MTREX: variants seen among roughly 807,000 people sequenced by gnomAD.
The protein encoded by MTREX is exosome RNA helicase MTR4.
MTREX carries 76 observed loss-of-function variants against 135.4 expected under a neutral mutation model. That is an observed-to-expected ratio of 0.56 (90% CI 0.47 to 0.68). The LOEUF (loss-of-function observed/expected upper bound fraction) is 0.68. Among genes scored for constraint, MTREX ranks in the 30% least tolerant of loss-of-function variants. MTREX has a pLI of 0.00. For missense variants in MTREX, 920 were observed against 1,262.1 expected, an observed-to-expected ratio of 0.73 and a Z score of 4.11; for synonymous variants, 404 against 401.6, an observed-to-expected ratio of 1.01 and a Z score of -0.07.
chr5:55,332,948 G>T (rs998725754), intron 5 of MTREX, among the ~76,000 whole-genome samples: 1 of 151,552 alleles, frequency 6.6e-6, no homozygotes, highest in Non-Finnish European at 1.5e-5. Flanking sequence ...TCCTAATTCC[G>T]TCATCTGTCT....
intron 14 of MTREX, among the ~76,000 whole-genome samples, chr5:55,354,176 A>G (rs970875355): frequency 6.6e-6 from 1 of 152,122 alleles, no homozygotes; most frequent in Non-Finnish European, 1.5e-5. Context: ...GACAATCCAG[A>G]CTCGTTTCTC....
At chr5:55,415,686 T>C (rs1281203863) in intron 24 of MTREX, among the ~76,000 whole-genome samples, 1 of 152,242 alleles carries the variant, frequency 6.6e-6, no homozygotes, top group African/African-American at 2.4e-5. Context: ...TGAATAATTT[T>C]AATGAAGAGT....
intron 19 of MTREX, among the ~76,000 whole-genome samples, chr5:55,394,777 A>C (rs1750622212): frequency 6.6e-6 from 1 of 152,146 alleles, no homozygotes; most frequent in South Asian, 2.1e-4. Context: ...TCACACCTGT[A>C]ATCCCAGCAT....
At chr5:55,362,391 C>T (rs1341080079) in intron 15 of MTREX, among the ~76,000 whole-genome samples, 4 of 151,432 alleles carry the variant, frequency 2.6e-5, no homozygotes, top group Admixed American at 1.3e-4. Context: ...GACAGTTTCT[C>T]GCTCTGTCAC....
At chr5:55,353,698 G>A (rs1240826192) in intron 14 of MTREX, among the ~76,000 whole-genome samples, 1 of 152,040 alleles carries the variant, frequency 6.6e-6, no homozygotes, top group Non-Finnish European at 1.5e-5. Flanking sequence ...GTGAGACCCT[G>A]TCTCTGAATA....
At chr5:55,392,879 G>GACA (rs771774769) in intron 19 of MTREX, among the ~76,000 whole-genome samples, 8 of 152,198 alleles carry the variant, frequency 5.3e-5, no homozygotes, top group Non-Finnish European at 8.8e-5. Flanking sequence ...AGGCAGCCAT[G>GACA]GTGTTAAGCA....
At chr5:55,411,655 A>T (rs1367569605) in intron 23 of MTREX, among the ~76,000 whole-genome samples, 1 of 152,194 alleles carries the variant, frequency 6.6e-6, no homozygotes, top group Non-Finnish European at 1.5e-5. Flanking sequence ...AGTGGCAATG[A>T]TAACAAATAG....
intron 18 of MTREX, 100 bp downstream of exon 18, chr5:55,379,295 G>C (rs1750355909): frequency 1.5e-6 from 1 of 665,598 alleles, no homozygotes; most frequent in African/African-American, 1.8e-5. Flanking sequence ...ATTACCTGAA[G>C]AGAAGCAGTA....
chr5:55,315,936 A>G (rs764372939), intron 1 of MTREX, among the ~76,000 whole-genome samples: 2 of 152,106 alleles, frequency 1.3e-5, no homozygotes, highest in Non-Finnish European at 2.9e-5. Flanking sequence ...AAACACAGTT[A>G]GAAGTTACAA....
At chr5:55,327,266 C>T (rs547313881) in intron 3 of MTREX, among the ~76,000 whole-genome samples, 10 of 152,252 alleles carry the variant, frequency 6.6e-5, no homozygotes, top group Admixed American at 1.3e-4. Context: ...CTTGAGGAAT[C>T]GCCACACTGC....
At chr5:55,326,473 C>T (rs1749380345) in intron 3 of MTREX, among the ~76,000 whole-genome samples, 1 of 152,096 alleles carries the variant, frequency 6.6e-6, no homozygotes, top group Admixed American at 6.6e-5. Flanking sequence ...TTCTGTGCTC[C>T]ATGATTATCT....
In MTREX at chr5:55,394,965, G is replaced by A. The variant is rs560624085; in HGVS notation, c.2182-2451G>A. 4.6e-5 allele frequency among the ~76,000 whole-genome samples: 7 copies of A among 151,080 alleles called. No individual in the cohort carries two copies. The East Asian group carries it at 5.9e-4, about 13-fold the overall frequency. On this transcript the variant is annotated intron_variant, in intron 19 of 26. Transcript: ENST00000230640. ...GTTGAATCACTTGAACCCAGGAGGC[G>A]GAGATTGCAGTGAACCGAGATCGCA...
At chr5:55,334,481 A>T (rs1256801039) in intron 5 of MTREX, among the ~76,000 whole-genome samples, 2 of 152,060 alleles carry the variant, frequency 1.3e-5, no homozygotes, top group Non-Finnish European at 2.9e-5. Flanking sequence ...GCAACATTTT[A>T]TTTATAAACC....
At chr5:55,414,873 C>T (rs1750942399) in intron 24 of MTREX, among the ~76,000 whole-genome samples, 1 of 152,144 alleles carries the variant, frequency 6.6e-6, no homozygotes, top group Admixed American at 6.5e-5. Context: ...TGGTCTCGAA[C>T]TCCTGAGCTC....
intron 25 of MTREX, among the ~76,000 whole-genome samples, chr5:55,421,893 AC>A (rs1751060610): frequency 2.0e-5 from 3 of 152,142 alleles, no homozygotes; most frequent in Admixed American, 2.0e-4. Flanking sequence ...ATATGACATT[AC>A]CCTCTCTATC....
chr5:55,415,459 A>G (rs897034361), intron 24 of MTREX, among the ~76,000 whole-genome samples: 3 of 152,208 alleles, frequency 2.0e-5, no homozygotes, highest in Non-Finnish European at 4.4e-5. Flanking sequence ...AGAAATTTAA[A>G]TTTCTAGAAC....
chr5:55,335,546 A>G (rs1749540599), intron 5 of MTREX, among the ~76,000 whole-genome samples: 1 of 152,060 alleles, frequency 6.6e-6, no homozygotes, highest in Admixed American at 6.6e-5. Flanking sequence ...AGTTGTTCCA[A>G]TTCAAAGTAC....
chr5:55,422,566 AC>A (rs1751071536), intron 25 of MTREX, among the ~76,000 whole-genome samples: 1 of 152,112 alleles, frequency 6.6e-6, no homozygotes, highest in Non-Finnish European at 1.5e-5. Flanking sequence ...CCTGGTTCTT[AC>A]AGACACAGAT....
At chr5:55,310,838 G>A (rs1198756611) in intron 1 of MTREX, among the ~76,000 whole-genome samples, 1 of 152,068 alleles carries the variant, frequency 6.6e-6, no homozygotes, top group Non-Finnish European at 1.5e-5. Flanking sequence ...GAGTGCACTG[G>A]TGCTTAGCAG....
Sources: gnomAD v4.1 joint callset for allele counts (sites outside exome capture counted in the v4.1 genomes callset) on GRCh38, gnomAD v4.1.1 for gene constraint, MANE v1.5 for transcripts, NCBI Gene and HGNC (gene_info 2026-07-23, HGNC 2026-07-21) for gene names.